Variants in WHRN observed in about 807,000 individuals in gnomAD.
WHRN encodes whirlin.
Under a neutral mutation model 68.3 loss-of-function variants are expected in WHRN, and 41 were observed. That is an observed-to-expected ratio of 0.60 (90% CI 0.47 to 0.78). The LOEUF is 0.78. WHRN is among the 30% of genes least tolerant of loss of function. WHRN has a pLI of 0.00. For synonymous variants in WHRN, 560 were observed against 561.3 expected, an observed-to-expected ratio of 1.00 and a Z score of 0.03; for missense variants, 1,243 against 1,244.7, an observed-to-expected ratio of 1.00 and a Z score of 0.02.
At position 114,504,454 on chromosome 9, in the gene WHRN, C is replaced by A. The variant is rs775775788; in HGVS notation, c.348G>T (p.Leu116=). 6.2e-6 allele frequency: 10 copies of A among 1,607,552 alleles called. No individual in the cohort carries two copies. In the South Asian group the frequency reaches 6.6e-5, roughly 11 times the overall value. ...FDQYTAEGLY[L]PATTPYRQPA... ...GCTGCCTGTAGGGGGTGGTGGCGGG[C>A]AGGTAGAGGCCCTCGGCCGTGTATT... Residue 116 remains leucine (L), a synonymous_variant, in exon 1 of 12, where the codon CTG becomes CTT. Coordinates refer to ENST00000362057, the MANE Select transcript of WHRN (RefSeq NM_015404.4).
chr9:114,478,652 TG>T lies in WHRN; in HGVS notation c.737del (p.Pro246HisfsTer13), dbSNP rs1589229634. On this transcript the variant is annotated frameshift_variant, in exon 2 of 12. Transcript: ENST00000362057. LOFTEE classifies it high-confidence loss of function. ...WVDPQGRSIS[P>X]PSGLPQPHGG... Reference sequence around the variant, plus strand: ...CGTGGGGCTGGGGCAGGCCCGAGGGTGGGGAGATGCTGCGGCCCTGCGGGTC... The same window carrying T: ...CGTGGGGCTGGGGCAGGCCCGAGGGTGGGAGATGCTGCGGCCCTGCGGGTC... 3.7e-6 allele frequency: 6 copies of T among 1,612,998 alleles called. No homozygotes were observed. Among genetic ancestry groups the T allele is most frequent in the Admixed American group, 1.7e-5 (1 of 59,934 alleles).
At chr9:114,452,480 G>A (rs546347224) in intron 3 of WHRN, among the ~76,000 whole-genome samples, 13 of 152,238 alleles carry the variant, frequency 8.5e-5, no homozygotes, top group Non-Finnish European at 1.6e-4. Flanking sequence ...AGAAGTGACT[G>A]TGGAGAAGGC....
Position 114,408,013 on chromosome 9 carries a change from A to G in WHRN, c.1632T>C (p.Thr544=), listed in dbSNP as rs759107735. ...CCTCGCCAGTTTCCTCCAGGTCCAG[A>G]GTGTTCTAGAAATGGACGAGAAAGC... ...TSTTVSSARN[T]LDLEETGEAV... The change falls in exon 8 of 12, where the codon ACT becomes ACC. Residue 544 remains threonine, a synonymous_variant. Transcript: ENST00000362057. The G allele has an allele frequency of 1.9e-5, 31 of 1,599,564 alleles. No individual in the cohort carries two copies. The Admixed American group carries it at 5.3e-4, about 27-fold the overall frequency.
intron 3 of WHRN, among the ~76,000 whole-genome samples, chr9:114,464,172 T>G (rs1261277664): frequency 6.6e-6 from 1 of 152,158 alleles, no homozygotes; most frequent in Non-Finnish European, 1.5e-5. Context: ...CACGGGAGTA[T>G]CATGAGGTCA....
At chr9:114,464,236 G>T (rs560383968) in intron 3 of WHRN, among the ~76,000 whole-genome samples, 1 of 152,178 alleles carries the variant, frequency 6.6e-6, no homozygotes, top group Non-Finnish European at 1.5e-5. Context: ...GAAGACACAC[G>T]ATCCATGTAA....
chr9:114,469,037 CT>C (rs1167854170), intron 2 of WHRN, among the ~76,000 whole-genome samples: 1 of 152,212 alleles, frequency 6.6e-6, no homozygotes, highest in Non-Finnish European at 1.5e-5. Flanking sequence ...GTTTCTTCAT[CT>C]AGAAAATGGG....
Position 114,425,007 on chromosome 9 carries a change from G to T in WHRN, c.1184C>A (p.Thr395Lys). 2 of 1,614,208 alleles carry T rather than the reference G, an allele frequency of 1.2e-6. No individual in the cohort carries two copies. The highest frequency in any genetic ancestry group is 1.7e-6 in the Non-Finnish European group (2 of 1,180,032). Residue 395 changes from threonine to lysine, a missense_variant, in exon 5 of 12, where the codon ACA becomes AAA. Thr to Lys is a moderately conservative substitution (Grantham distance 78). Coordinates refer to ENST00000362057, the MANE Select transcript of WHRN (RefSeq NM_015404.4). Reference sequence around the variant, plus strand: ...TCCTACCTTGTTTATTCCTTCTGTTGTGAGATCGCCAAGAAACCTGTGGGG... The same window carrying T: ...TCCTACCTTGTTTATTCCTTCTGTTTTGAGATCGCCAAGAAACCTGTGGGG... ...ANSAGFLGDL[T>K]TEGINKPGFY...
chr9:114,411,487 A>T (rs1433696187), intron 7 of WHRN, among the ~76,000 whole-genome samples: 1 of 152,186 alleles, frequency 6.6e-6, no homozygotes, highest in African/African-American at 2.4e-5. Flanking sequence ...TTGGACTCAG[A>T]TGACAGTACA....
Position 114,406,438 on chromosome 9 carries a change from T to C in WHRN, c.2153A>G (p.Asn718Ser), listed in dbSNP as rs1468331102. ...GACCTCCACCATGACAAAGTGCTGGTTTGTGCCTGTCTGGTCTGGGTGGCC... is the reference window on the plus strand; with the variant it reads ...GACCTCCACCATGACAAAGTGCTGGCTTGTGCCTGTCTGGTCTGGGTGGCC... ...PSGHPDQTGTNQHFVMVEVHR... is the reference protein window; with the variant it reads ...PSGHPDQTGTSQHFVMVEVHR... The change falls in exon 9 of 12, where the codon AAC becomes AGC. Residue 718 changes from asparagine to serine, a missense_variant. Asn to Ser is a conservative substitution (Grantham distance 46). Transcript: ENST00000362057. 1.9e-6 allele frequency: 3 copies of C among 1,613,910 alleles called. No individual in the cohort carries two copies. The African/African-American group carries it at 4.0e-5, about 22-fold the overall frequency.
At chr9:114,495,224 G>A (rs576601609) in intron 1 of WHRN, among the ~76,000 whole-genome samples, 13 of 152,380 alleles carry the variant, frequency 8.5e-5, no homozygotes, top group Admixed American at 3.9e-4. Flanking sequence ...CTCAAGAGCA[G>A]GGTTGTAGAC....
At chr9:114,498,620 C>T (rs1301671395) in intron 1 of WHRN, among the ~76,000 whole-genome samples, 1 of 152,140 alleles carries the variant, frequency 6.6e-6, no homozygotes, top group Non-Finnish European at 1.5e-5. Flanking sequence ...GCCCCCCAAC[C>T]TTAGTAAGGT....
At chr9:114,425,337 G>C in intron 4 of WHRN, 1 of 606,400 alleles carries the variant, frequency 1.6e-6, no homozygotes, top group South Asian at 2.0e-5. Flanking sequence ...AATGGTGATT[G>C]ACAGGCAACC....
intron 4 of WHRN, chr9:114,425,247 C>T (rs1055387870): frequency 8.9e-6 from 6 of 673,298 alleles, no homozygotes; most frequent in Admixed American, 2.1e-5. Flanking sequence ...CACGGCACCT[C>T]CAAAACCACC....
chr9:114,418,058 G>A (rs894232357), intron 7 of WHRN, among the ~76,000 whole-genome samples: 1 of 152,180 alleles, frequency 6.6e-6, no homozygotes, highest in Non-Finnish European at 1.5e-5. Flanking sequence ...AGTGCCCTGC[G>A]TACTCTGCAG....
At chr9:114,416,681 T>C (rs1835841821) in intron 7 of WHRN, among the ~76,000 whole-genome samples, 1 of 152,202 alleles carries the variant, frequency 6.6e-6, no homozygotes, top group South Asian at 2.1e-4. Flanking sequence ...CTTTTCTTCA[T>C]AAATTTCCCA....
intron 1 of WHRN, among the ~76,000 whole-genome samples, chr9:114,500,772 G>A (rs1317307679): frequency 6.6e-6 from 1 of 152,196 alleles, no homozygotes; most frequent in African/African-American, 2.4e-5. Flanking sequence ...GAATCCTATT[G>A]TTTCCTCATT....
chr9:114,431,293 A>C (rs919382945), intron 3 of WHRN, among the ~76,000 whole-genome samples: 1 of 152,218 alleles, frequency 6.6e-6, no homozygotes, highest in Non-Finnish European at 1.5e-5. Context: ...TGTGAGAATC[A>C]AATGGAACCA....
intron 3 of WHRN, among the ~76,000 whole-genome samples, chr9:114,460,455 T>C (rs1840153469): frequency 6.6e-6 from 1 of 152,270 alleles, no homozygotes. Flanking sequence ...GCTATCATTA[T>C]GATTAATTTC....
At chr9:114,434,858 T>TG (rs1284978591) in intron 3 of WHRN, among the ~76,000 whole-genome samples, 1 of 152,152 alleles carries the variant, frequency 6.6e-6, no homozygotes, top group Non-Finnish European at 1.5e-5. Context: ...CTGCCTACCC[T>TG]GAGAGGGGCA....
Sources: allele counts gnomAD v4.1 joint callset (sites outside exome capture counted in the v4.1 genomes callset), GRCh38; gene constraint gnomAD v4.1.1; transcripts MANE v1.5; gene names NCBI Gene and HGNC (gene_info 2026-07-23, HGNC 2026-07-21).